Variants in SATL1 observed in about 807,000 individuals in gnomAD.
The protein encoded by SATL1 is spermidine/spermine N1-acetyl transferase like 1.
SATL1 carries 47 observed loss-of-function variants against 51.8 expected under a neutral mutation model. The ratio of observed to expected loss-of-function variants is 0.91; its 90% CI spans 0.72 to 1.16. SATL1 has a LOEUF of 1.16. Among genes scored for constraint, SATL1 ranks in the 50% most tolerant of loss-of-function variants. SATL1 has a pLI of 0.00. For missense variants in SATL1, 520 were observed against 526.4 expected (o/e 0.99, Z 0.12); for synonymous variants, 176 against 182.4 (o/e 0.97, Z 0.28).
intron 2 of SATL1, among the ~76,000 whole-genome samples, chrX:85,147,227 C>A (rs973527175): frequency 1.8e-5 from 2 of 113,880 alleles, no homozygotes; most frequent in African/African-American, 3.2e-5. Flanking sequence ...GCTAGCACAG[C>A]AGTCTGAGAT....
intron 1 of SATL1, among the ~76,000 whole-genome samples, chrX:85,234,062 GA>G (rs1368935126): frequency 1.5e-4 from 17 of 110,577 alleles, no homozygotes; most frequent in Non-Finnish European, 2.8e-4. Context: ...TAAAAGAAAT[GA>G]ACATGCAAAA....
intron 4 of SATL1, among the ~76,000 whole-genome samples, chrX:85,102,073 TTTTA>T (rs992317800): frequency 4.3e-4 from 30 of 70,164 alleles, no homozygotes; most frequent in Middle Eastern, 0.01. Context: ...AATTTTTAAA[TTTTA>T]TTTATTTATT....
At chrX:85,166,503 T>C (rs1444594004) in intron 2 of SATL1, among the ~76,000 whole-genome samples, 2 of 111,141 alleles carry the variant, frequency 1.8e-5, no homozygotes, top group Non-Finnish European at 3.8e-5. Context: ...GATATACAAA[T>C]GGCCAATGAA....
chrX:85,132,050 A>G (rs1925820937), intron 2 of SATL1, among the ~76,000 whole-genome samples: 1 of 110,421 alleles, frequency 9.1e-6, no homozygotes, highest in Non-Finnish European at 1.9e-5. Context: ...CTTTGTGGGT[A>G]ACCTGACTTT....
chrX:85,130,316 A>G (rs756489295), intron 2 of SATL1, among the ~76,000 whole-genome samples: 3 of 111,142 alleles, frequency 2.7e-5, no homozygotes, highest in Non-Finnish European at 5.7e-5. Context: ...TATCACCTCA[A>G]TTTCAGAGCC....
At chrX:85,176,708 T>C (rs529920908) in intron 2 of SATL1, among the ~76,000 whole-genome samples, 2 of 111,245 alleles carry the variant, frequency 1.8e-5, no homozygotes, top group East Asian at 5.6e-4. Flanking sequence ...CAAGCAACCG[T>C]AAAATTGATT....
intron 4 of SATL1, among the ~76,000 whole-genome samples, chrX:85,103,514 T>C (rs1924949861): frequency 8.9e-6 from 1 of 111,963 alleles, no homozygotes; most frequent in African/African-American, 3.2e-5. Context: ...AGTAAATACT[T>C]TGAAAATATT....
intron 2 of SATL1, among the ~76,000 whole-genome samples, chrX:85,131,377 A>G (rs903653267): frequency 1.8e-5 from 2 of 111,576 alleles, no homozygotes; most frequent in African/African-American, 6.5e-5. Context: ...CTTCTTGTTG[A>G]ATTGATCCCT....
chrX:85,097,058 G>A lies in SATL1; in HGVS notation c.1694-2062C>T, dbSNP rs754583948. Among the ~76,000 whole-genome samples, 11 of 111,652 alleles carry A rather than the reference G, an allele frequency of 9.9e-5. No homozygotes were observed. In the East Asian group the frequency reaches 1.7e-3, roughly 17 times the overall value. ...GTATTGTAATTATGTTTATACAGTC[G>A]ACCCTTGAACAACATGGGGTGGAAC... On this transcript the variant is annotated intron_variant, in intron 4 of 7. Transcript: ENST00000644105.
rs191570464 is a variant in SATL1 at position 85,155,786 on chromosome X, G to C, written c.-312-46506C>G. On this transcript the variant is annotated intron_variant, in intron 2 of 7. Transcript: ENST00000644105. ...CATAAATCACTGACTATGTGGCCTAGGGGCACTTTCTTAAAATTTCTTAGA... is the reference window on the plus strand; with the variant it reads ...CATAAATCACTGACTATGTGGCCTACGGGCACTTTCTTAAAATTTCTTAGA... 5.7e-4 allele frequency among the ~76,000 whole-genome samples: 64 copies of C among 111,376 alleles called. 1 individual carries two copies. The East Asian group carries it at 0.017, about 29-fold the overall frequency.
rs1329430211 is a variant in SATL1 at position 85,148,198 on chromosome X, G to A, written c.-312-38918C>T. On this transcript the variant is annotated intron_variant, in intron 2 of 7. Coordinates refer to ENST00000644105, the MANE Select transcript of SATL1 (RefSeq NM_001367857.2). ...GAATGCAGAAGCCTCAGGAGCCAATGCAATCAACTGGAAGAAAGGGTATCA... is the reference window on the plus strand; with the variant it reads ...GAATGCAGAAGCCTCAGGAGCCAATACAATCAACTGGAAGAAAGGGTATCA... Among the ~76,000 whole-genome samples the A allele has an allele frequency of 4.5e-5, 5 of 111,885 alleles. No homozygotes were observed. In the Admixed American group the frequency reaches 4.8e-4, roughly 11 times the overall value.
chrX:85,189,204 G>T (rs1447437736), intron 2 of SATL1, among the ~76,000 whole-genome samples: 1 of 111,230 alleles, frequency 9.0e-6, no homozygotes, highest in African/African-American at 3.3e-5. Context: ...TTAAGAGATG[G>T]GTTTCTCACT....
intron 2 of SATL1, among the ~76,000 whole-genome samples, chrX:85,181,187 GTA>G (rs1274197138): frequency 0.011 from 989 of 87,550 alleles, 15 homozygotes; most frequent in African/African-American, 0.05. Context: ...ATGTGTGTGT[GTA>G]TATATATATA....
chrX:85,220,392 G>A (rs1928146098), intron 2 of SATL1, among the ~76,000 whole-genome samples: 2 of 108,674 alleles, frequency 1.8e-5, no homozygotes, highest in Admixed American at 1.0e-4. Context: ...GTCTGAGGGC[G>A]CATATGACCT....
At chrX:85,137,611 GT>G (rs1438829388) in intron 2 of SATL1, among the ~76,000 whole-genome samples, 1 of 111,436 alleles carries the variant, frequency 9.0e-6, no homozygotes, top group African/African-American at 3.3e-5. Context: ...ATTTTCAGCA[GT>G]TTAAATTATA....
chrX:85,239,590 A>G (rs1928546051), intron 1 of SATL1, among the ~76,000 whole-genome samples: 1 of 111,943 alleles, frequency 8.9e-6, no homozygotes, highest in Non-Finnish European at 1.9e-5. Context: ...GAATCACACT[A>G]CTTAATTTTA....
Position 85,217,788 on chromosome X carries a change from T to A in SATL1, c.-313+6417A>T, listed in dbSNP as rs528917127. ...TTCCTGAACACTTTCAGGCTAATACTCTCCTAGTGGTCTGCCTATCTCTCT... is the reference window on the plus strand; with the variant it reads ...TTCCTGAACACTTTCAGGCTAATACACTCCTAGTGGTCTGCCTATCTCTCT... On this transcript the variant is annotated intron_variant, in intron 2 of 7. Transcript: ENST00000644105. Among the ~76,000 whole-genome samples, 903 of 111,633 alleles carry A rather than the reference T, an allele frequency of 8.1e-3. 4 individuals carry two copies. The highest frequency in any genetic ancestry group is 0.014 in the Middle Eastern group (3 of 216).
At chrX:85,110,171 A>G in intron 2 of SATL1, among the ~76,000 whole-genome samples, 1 of 111,752 alleles carries the variant, frequency 8.9e-6, no homozygotes. Flanking sequence ...TACCTCCCCA[A>G]GGCTTCGTAA....
intron 2 of SATL1, among the ~76,000 whole-genome samples, chrX:85,204,731 C>G (rs1433408577): frequency 8.9e-6 from 1 of 111,881 alleles, no homozygotes; most frequent in East Asian, 2.8e-4. Context: ...TGAATACGCA[C>G]AGGGGTTATG....
Sources: allele counts gnomAD v4.1 joint callset (sites outside exome capture counted in the v4.1 genomes callset), GRCh38; gene constraint gnomAD v4.1.1; transcripts MANE v1.5; gene names NCBI Gene and HGNC (gene_info 2026-07-23, HGNC 2026-07-21).